SRPRB: variants seen among roughly 807,000 people sequenced by gnomAD.
The protein encoded by SRPRB is signal recognition particle receptor subunit beta.
Under a neutral mutation model 31.9 loss-of-function variants are expected in SRPRB, and 20 were observed. That is an observed-to-expected ratio of 0.63 (90% CI 0.44 to 0.91). The LOEUF is 0.91. Among genes scored for constraint, SRPRB ranks in the 40% least tolerant of loss-of-function variants. SRPRB has a pLI of 0.00. For missense variants in SRPRB, 321 were observed against 324.9 expected, an observed-to-expected ratio of 0.99 and a Z score of 0.09; for synonymous variants, 146 against 132.8, an observed-to-expected ratio of 1.10 and a Z score of -0.68.
chr3:133,798,686 G>A (rs1935017029), intron 1 of SRPRB, among the ~76,000 whole-genome samples: 1 of 152,064 alleles, frequency 6.6e-6, no homozygotes, highest in Non-Finnish European at 1.5e-5. Flanking sequence ...TATTCATGAT[G>A]TGTAAAAAAG....
At chr3:133,804,450 A>G (rs1935114366), upstream of SRPRB, among the ~76,000 whole-genome samples, 1 of 152,194 alleles carries the variant, frequency 6.6e-6, no homozygotes, top group African/African-American at 2.4e-5. Context: ...AGGAAGACAA[A>G]GATTTTTAAA....
chr3:133,824,765 C>T (rs1249034822), downstream of SRPRB: 2 of 152,158 alleles, frequency 1.3e-5, no homozygotes, highest in African/African-American at 4.8e-5. Flanking sequence ...TGGGAAGAAC[C>T]TAGTGTCCTA....
intron 1 of SRPRB, chr3:133,792,925 C>T (rs895915926): frequency 2.0e-5 from 3 of 152,016 alleles, no homozygotes; most frequent in Non-Finnish European, 2.9e-5. Context: ...CTTAAAGCAC[C>T]GATCTGCTCT....
chr3:133,812,002 A>G (rs1407225359), intron 4 of SRPRB, among the ~76,000 whole-genome samples: 1 of 152,194 alleles, frequency 6.6e-6, no homozygotes, highest in African/African-American at 2.4e-5. Context: ...AAAAAGTCTT[A>G]TGCTGCAGTT....
chr3:133,798,926 CA>C (rs1214558930), intron 1 of SRPRB, among the ~76,000 whole-genome samples: 1 of 151,596 alleles, frequency 6.6e-6, no homozygotes, highest in Non-Finnish European at 1.5e-5. Context: ...AAAAAATAGG[CA>C]AAAAATACTA....
downstream of SRPRB, chr3:133,828,239 C>T (rs953727120): frequency 5.8e-6 from 3 of 519,968 alleles, no homozygotes; most frequent in Non-Finnish European, 1.0e-5. Flanking sequence ...ATGTGTTCAA[C>T]CAATGTTTGA....
chr3:133,792,005 A>T (rs1209916955), intron 1 of SRPRB: 1 of 152,250 alleles, frequency 6.6e-6, no homozygotes, highest in African/African-American at 2.4e-5. Context: ...TTGGTAAAAT[A>T]AAAATATCTT....
rs376992389 is a variant in SRPRB, at chr3:133,807,916, G to T, written c.327+93G>T. ...TTTTAGGATGAGTTCATCTGAGGATGTAAGTACCATTTGTAGCTTATTTTT... is the reference window on the plus strand; with the variant it reads ...TTTTAGGATGAGTTCATCTGAGGATTTAAGTACCATTTGTAGCTTATTTTT... On this transcript the variant is annotated intron_variant, in intron 3 of 6. Coordinates refer to ENST00000678299, the MANE Select transcript of SRPRB (RefSeq NM_001379313.1). The T allele has an allele frequency of 7.2e-5, 62 of 865,222 alleles. No individual in the cohort carries two copies. In the East Asian group the frequency reaches 8.3e-4, roughly 12 times the overall value. 53.6% of individuals were successfully genotyped at this position (865,222 alleles called of 1,614,324 possible). A position where few individuals can be genotyped will look rare whatever the true frequency, so the allele number is the denominator to read the frequency against.
chr3:133,814,963 C>T (rs1056848528), intron 4 of SRPRB, among the ~76,000 whole-genome samples: 2 of 152,214 alleles, frequency 1.3e-5, no homozygotes, highest in South Asian at 2.1e-4. Context: ...CATTGTGTCA[C>T]GCCTCACTGT....
At chr3:133,791,294 CTCTG>C (rs1289218260) in intron 1 of SRPRB, 1 of 152,114 alleles carries the variant, frequency 6.6e-6, no homozygotes, top group Non-Finnish European at 1.5e-5. Flanking sequence ...AGTCATATTT[CTCTG>C]TCTGCCCATT....
upstream of SRPRB, among the ~76,000 whole-genome samples, chr3:133,801,437 G>C (rs1430786159): frequency 2.6e-5 from 4 of 152,180 alleles, no homozygotes; most frequent in South Asian, 6.2e-4. Context: ...ACTTCTCACT[G>C]AGTGTGGGAG....
Position 133,819,686 on chromosome 3 carries a change from T to G in SRPRB, c.736T>G (p.Cys246Gly), listed in dbSNP as rs923449160. 5 of 1,614,050 alleles carry G rather than the reference T, an allele frequency of 3.1e-6. No homozygotes were observed. Among genetic ancestry groups the G allele is most frequent in the Non-Finnish European group, 3.4e-6 (4 of 1,180,014 alleles). Residue 246 changes from cysteine (C) to glycine (G), a missense_variant, in exon 7 of 7, where the codon TGC becomes GGC. Coordinates refer to ENST00000678299, the MANE Select transcript of SRPRB (RefSeq NM_001379313.1). Reference sequence around the variant, plus strand: ...GCCCCTCAAAGTGGAGTTCCTGGAGTGCAGTGCCAAGGGTGGAAGAGGGGA... The same window carrying G: ...GCCCCTCAAAGTGGAGTTCCTGGAGGGCAGTGCCAAGGGTGGAAGAGGGGA... ...QLPLKVEFLE[C>G]SAKGGRGDVG...
downstream of SRPRB, chr3:133,825,378 G>C (rs1935543990): frequency 6.6e-6 from 1 of 152,222 alleles, no homozygotes; most frequent in Non-Finnish European, 1.5e-5. Context: ...TTCAATCCTT[G>C]TTTCTGTTGC....
chr3:133,804,390 T>G (rs375910377), upstream of SRPRB, among the ~76,000 whole-genome samples: 3 of 152,090 alleles, frequency 2.0e-5, no homozygotes, highest in African/African-American at 7.2e-5. Context: ...GGCATTGCAA[T>G]GGGACTACGC....
Position 133,808,113 on chromosome 3 carries a change from G to T in SRPRB, c.327+290G>T, listed in dbSNP as rs907048278. On this transcript the variant is annotated intron_variant, in intron 3 of 6. Transcript: ENST00000678299. ...AACTTTACAATGAGTTCTTAAGAGT[G>T]GGCATTAAACCTTTTAAGTTTTGAA... Among the ~76,000 whole-genome samples, 5 of 152,074 alleles carry T rather than the reference G, an allele frequency of 3.3e-5. No individual in the cohort carries two copies. The South Asian group carries it at 1.0e-3, about 32-fold the overall frequency.
chr3:133,791,956 T>C (rs962038735), intron 1 of SRPRB: 13 of 152,222 alleles, frequency 8.5e-5, no homozygotes, highest in African/African-American at 2.4e-4. Context: ...TCATGTAACT[T>C]AAGTAATCTT....
chr3:133,809,933 T>G (rs1935229298), intron 3 of SRPRB, among the ~76,000 whole-genome samples: 1 of 152,214 alleles, frequency 6.6e-6, no homozygotes, highest in East Asian at 1.9e-4. Context: ...ATTCTATATT[T>G]CTACTATATT....
intron 4 of SRPRB, among the ~76,000 whole-genome samples, chr3:133,814,998 C>G (rs561743223): frequency 6.6e-6 from 1 of 152,330 alleles, no homozygotes; most frequent in East Asian, 1.9e-4. Context: ...CTTCATTTCC[C>G]CATCTCCCTG....
chr3:133,787,492 T>G lies in SRPRB; in HGVS notation c.-174+3348T>G, dbSNP rs1464765120. The G allele has an allele frequency of 2.0e-5, 3 of 152,254 alleles. No homozygotes were observed. The East Asian group carries it at 5.8e-4, about 29-fold the overall frequency. 9.4% of individuals were successfully genotyped at this position (152,254 alleles called of 1,614,324 possible). A position where few individuals can be genotyped will look rare whatever the true frequency, so the allele number is the denominator to read the frequency against. ...ACACAGTGGAAAGTTATATGAAATA[T>G]CTGGTCTCTCTAGATAGTTAGAAAT... On this transcript the variant is annotated intron_variant, in intron 1 of 7. Coordinates refer to the SRPRB transcript ENST00000466490.
Sources: gnomAD v4.1 joint callset for allele counts (sites outside exome capture counted in the v4.1 genomes callset) on GRCh38, gnomAD v4.1.1 for gene constraint, MANE v1.5 for transcripts, NCBI Gene and HGNC (gene_info 2026-07-23, HGNC 2026-07-21) for gene names.